SLC38A10: variants seen among roughly 807,000 people sequenced by gnomAD.
The protein encoded by SLC38A10 is Sodium-coupled neutral amino acid transporter 10.
Under a neutral mutation model 81.0 loss-of-function variants are expected in SLC38A10, and 53 were observed. The ratio of observed to expected loss-of-function variants is 0.65; its 90% CI spans 0.53 to 0.82. The LOEUF (loss-of-function observed/expected upper bound fraction) is 0.82. Ranked by LOEUF, SLC38A10 falls within the 40% of genes least tolerant of loss-of-function variation. The pLI is 0.00. For synonymous variants in SLC38A10, 665 were observed against 655.3 expected, an observed-to-expected ratio of 1.01 and a Z score of -0.23; for missense variants, 1,471 against 1,545.0, an observed-to-expected ratio of 0.95 and a Z score of 0.80.
At chr17:81,291,968 AT>A (rs1427378695) in intron 1 of SLC38A10, among the ~76,000 whole-genome samples, 3 of 152,156 alleles carry the variant, frequency 2.0e-5, no homozygotes, top group African/African-American at 7.2e-5. Context: ...ACGCTCCTTA[AT>A]TTGGGAGCTA....
In SLC38A10 at chr17:81,279,660, C is replaced by T. The variant is rs148289618; in HGVS notation, c.626+949G>A. On this transcript the variant is annotated intron_variant, in intron 6 of 15. Transcript: ENST00000374759. ...ACCTGACTCCGGAACCAGACCCGAACGAGGTGCACCGGCTGCTACGTGGCC... is the reference window on the plus strand; with the variant it reads ...ACCTGACTCCGGAACCAGACCCGAATGAGGTGCACCGGCTGCTACGTGGCC... 9.5e-3 allele frequency: 1,469 copies of T among 155,058 alleles called. 11 individuals are homozygous for T. Among genetic ancestry groups the T allele is most frequent in the Middle Eastern group, 0.03 (9 of 302 alleles). The allele number at this position is 155,058 out of a possible 1,614,324, so 9.6% of individuals were successfully genotyped here.
Position 81,276,409 on chromosome 17 carries a change from G to A in SLC38A10, c.730-258C>T, listed in dbSNP as rs182928677. 4.4e-4 allele frequency among the ~76,000 whole-genome samples: 63 copies of A among 144,242 alleles called. No homozygotes were observed. The highest frequency in any genetic ancestry group is 4.2e-4 in the Admixed American group (6 of 14,420). 94.6% of individuals were successfully genotyped at this position (144,242 alleles called of 152,430 possible). A position where few individuals can be genotyped will look rare whatever the true frequency, so the allele number is the denominator to read the frequency against. ...CTTTCTTTTTTTTTTTTTTTGAGAC[G>A]GGGTCTCCCTCTGTAGACCAGGCTG... is the stretch of plus-strand genomic sequence containing the variant. On this transcript the variant is annotated intron_variant, in intron 7 of 15. Transcript: ENST00000374759. This position sits in a 1 kb window ranked among gnomAD's most constrained non-coding sequence, Gnocchi z 4.7.
Position 81,289,680 on chromosome 17 carries a change from G to A in SLC38A10, c.217+11C>T, listed in dbSNP as rs1183750440. On this transcript the variant is annotated intron_variant, in intron 2 of 15. Transcript: ENST00000374759. This position sits in a 1 kb window ranked among gnomAD's most constrained non-coding sequence, Gnocchi z 5.9. Reference sequence around the variant, plus strand: ...CAGGTCCAGAGCCACCTTGTGGAGAGGGCGCCTCACCCAGGCCGGCGTAGG... The same window carrying A: ...CAGGTCCAGAGCCACCTTGTGGAGAAGGCGCCTCACCCAGGCCGGCGTAGG... 5.0e-6 allele frequency: 8 copies of A among 1,599,160 alleles called. No individual in the cohort carries two copies. Among genetic ancestry groups the A allele is most frequent in the East Asian group, 2.3e-5 (1 of 44,396 alleles).
chr17:81,252,721 G>A, intron 12 of SLC38A10, 38 bp from the exon 13 acceptor site: 3 of 1,543,480 alleles, frequency 1.9e-6, no homozygotes, highest in Non-Finnish European at 2.6e-6. Flanking sequence ...TCAGGCTGAG[G>A]CCCCTCCTTC....
rs775622647 is a variant in SLC38A10, at chr17:81,283,512, G to A, written c.264-10C>T. On this transcript the variant is annotated splice_polypyrimidine_tract_variant and intron_variant, in intron 3 of 15. Coordinates refer to ENST00000374759, the MANE Select transcript of SLC38A10 (RefSeq NM_001037984.3). The surrounding 1 kb of genome is among the most constrained non-coding windows in gnomAD (Gnocchi z 4.7). The stretch of plus-strand genomic sequence containing the variant: ...CATCAGCCCGATCATGCTGCACAGG[G>A]ACGGGGGGTACGGGAAATGCCATCA... 1.2e-6 allele frequency: 2 copies of A among 1,603,666 alleles called. No homozygotes were observed. The highest frequency in any genetic ancestry group is 1.7e-6 in the Non-Finnish European group (2 of 1,174,956).
intron 14 of SLC38A10, 51 bp from the exon 15 acceptor site, chr17:81,247,112 G>T (rs762900448): frequency 2.6e-6 from 4 of 1,525,054 alleles, no homozygotes; most frequent in Non-Finnish European, 3.5e-6. Context: ...CATGCACCGT[G>T]CTGGGCCAGG....
Position 81,252,437 on chromosome 17 carries a change from T to C in SLC38A10, c.1703A>G (p.Glu568Gly), listed in dbSNP as rs1726021293. The C allele has an allele frequency of 6.2e-7, 1 of 1,613,302 alleles. No homozygotes were observed. The highest frequency in any genetic ancestry group is 1.3e-5 in the African/African-American group (1 of 75,054). Residue 568 changes from glutamate (E) to glycine (G), a missense_variant, in exon 13 of 16, where the codon GAG becomes GGG. Physicochemically the swap from Glu to Gly is moderately conservative, Grantham distance 98. Transcript: ENST00000374759. ...GKRPGQAQAL[E>G]EAGDLPEDPQ... is the part of the protein sequence containing the mutation. ...ATCTTCAGGAAGATCACCCGCCTCC[T>C]CCAAGGCCTGGGCCTGTCCAGGCCT...
At chr17:81,248,760 T>A (rs1280652208) in intron 14 of SLC38A10, among the ~76,000 whole-genome samples, 1 of 152,230 alleles carries the variant, frequency 6.6e-6, no homozygotes, top group African/African-American at 2.4e-5. Context: ...AGGGTCAGCA[T>A]TCTCCCAGGA....
At chr17:81,247,134 C>T in intron 14 of SLC38A10, 73 bp from the exon 15 acceptor site, 16 of 1,467,346 alleles carry the variant, frequency 1.1e-5, no homozygotes, top group Non-Finnish European at 1.5e-5. Flanking sequence ...ACGGCGCGGC[C>T]CACAGCAAGG....
rs1483734579 is a variant in SLC38A10 at position 81,265,180 on chromosome 17, C to CA, written c.1132-4787dup. ...TGGATCACCTGAGGTCAGGAGTGTTCAAGACCAGCCTGGCCAACATGGTGA... is the reference window on the plus strand; with the variant it reads ...TGGATCACCTGAGGTCAGGAGTGTTCAAAGACCAGCCTGGCCAACATGGTGA... On this transcript the variant is annotated intron_variant, in intron 10 of 15. Coordinates refer to ENST00000374759, the MANE Select transcript of SLC38A10 (RefSeq NM_001037984.3). The surrounding 1 kb of genome is among the most constrained non-coding windows in gnomAD (Gnocchi z 4.2). 2.0e-5 allele frequency: 3 copies of CA among 152,276 alleles called. No individual in the cohort carries two copies. The East Asian group carries it at 5.8e-4, about 29-fold the overall frequency. The allele number at this position is 152,276 out of a possible 1,614,324, so 9.4% of individuals were successfully genotyped here. A position where few individuals can be genotyped will look rare whatever the true frequency, so the allele number is the denominator to read the frequency against.
In SLC38A10 at chr17:81,252,265, C is replaced by T; in HGVS notation, c.1875G>A (p.Lys625=). The T allele has an allele frequency of 6.3e-7, 1 of 1,598,742 alleles. No individual in the cohort carries two copies. Among genetic ancestry groups the T allele is most frequent in the Non-Finnish European group, 8.5e-7 (1 of 1,172,016 alleles). ...QNGLAVGGGE[K]AKGGPPPGNA... Reference sequence around the variant, plus strand: ...TGCCTGGCGGCGGTCCCCCCTTGGCCTTTTCCCCTCCACCCACCGCCAGGC... The same window carrying T: ...TGCCTGGCGGCGGTCCCCCCTTGGCTTTTTCCCCTCCACCCACCGCCAGGC... The change falls in exon 13 of 16, where the codon AAG becomes AAA. Residue 625 remains lysine (K), a synonymous_variant. Transcript: ENST00000374759.
intron 9 of SLC38A10, among the ~76,000 whole-genome samples, chr17:81,271,655 T>G (rs919341947): frequency 6.6e-6 from 1 of 151,940 alleles, no homozygotes; most frequent in Non-Finnish European, 1.5e-5. Flanking sequence ...TGTTCTAGAA[T>G]AGTTGGTTCT....
chr17:81,252,736 C>A, intron 12 of SLC38A10, 53 bp from the exon 13 acceptor site: 9 of 1,528,390 alleles, frequency 5.9e-6, no homozygotes, highest in Non-Finnish European at 7.0e-6. Context: ...TCCTTCCCTT[C>A]CCAGGGAATT....
rs756729076 is a variant in SLC38A10, at chr17:81,253,070, C to G, written c.1456+3G>C. The G allele has an allele frequency of 4.3e-6, 7 of 1,612,306 alleles. No individual in the cohort carries two copies. In the Admixed American group the frequency reaches 1.2e-4, roughly 27 times the overall value. On this transcript the variant is annotated splice_donor_region_variant and intron_variant, in intron 12 of 15. Coordinates refer to ENST00000374759, the MANE Select transcript of SLC38A10 (RefSeq NM_001037984.3). This position sits in a 1 kb window ranked among gnomAD's most constrained non-coding sequence, Gnocchi z 4.1. ...ATCCGCACCCCCAGCCAGTGCCCAGCACCTTGCCCAGGGCGATCGAGCTGT... is the reference window on the plus strand; with the variant it reads ...ATCCGCACCCCCAGCCAGTGCCCAGGACCTTGCCCAGGGCGATCGAGCTGT...
At chr17:81,248,021 G>A (rs1353102513) in intron 14 of SLC38A10, among the ~76,000 whole-genome samples, 41 of 133,436 alleles carry the variant, frequency 3.1e-4, no homozygotes, top group African/African-American at 1.0e-3. Context: ...GCAGTGGCGC[G>A]ATCTCAGCTC....
At chr17:81,260,079 A>C (rs1268252120) in intron 11 of SLC38A10, among the ~76,000 whole-genome samples, 159 bp downstream of exon 11, 1 of 152,228 alleles carries the variant, frequency 6.6e-6, no homozygotes, top group Non-Finnish European at 1.5e-5. Context: ...CATGGTGCAC[A>C]GAGCATGTTC....
At chr17:81,292,091 GATCTAT>G (rs758204558) in intron 1 of SLC38A10, among the ~76,000 whole-genome samples, 7 of 151,710 alleles carry the variant, frequency 4.6e-5, no homozygotes, top group South Asian at 4.1e-4. Context: ...AATCTATATA[GATCTAT>G]ATCTATATCT....
chr17:81,261,049 G>A (rs1188418459), intron 10 of SLC38A10, among the ~76,000 whole-genome samples: 5 of 152,240 alleles, frequency 3.3e-5, no homozygotes, highest in Non-Finnish European at 7.3e-5. Flanking sequence ...TAGCTGTGGT[G>A]TGGTGCCCAC....
chr17:81,252,666 C>T lies in SLC38A10; in HGVS notation c.1474G>A (p.Gly492Ser), dbSNP rs202150925. 1 of 1,605,132 alleles carries T rather than the reference C, an allele frequency of 6.2e-7. No homozygotes were observed. Among genetic ancestry groups the T allele is most frequent in the East Asian group, 2.2e-5 (1 of 44,872 alleles). The stretch of plus-strand genomic sequence containing the variant: ...GGAGGCTCGTGGCGGTGGGCCTCGC[C>T]CACAGGCACAGCAATCCCTGCAAGG... The part of the protein sequence containing the change: ...RPGQGIAVPV[G>S]EAHRHEPPVP... Residue 492 changes from glycine (G) to serine (S), a missense_variant, in exon 13 of 16, where the codon GGC becomes AGC. Transcript: ENST00000374759.
Sources: gnomAD v4.1 joint callset for allele counts (sites outside exome capture counted in the v4.1 genomes callset) on GRCh38, gnomAD v4.1.1 for gene constraint, Gnocchi (gnomAD v3.1) non-coding constraint, MANE v1.5 for transcripts, NCBI Gene and HGNC (gene_info 2026-07-23, HGNC 2026-07-21) for gene names.